Variants in ZNF658 observed in about 807,000 individuals in gnomAD.
ZNF658 encodes the protein zinc finger protein 658.
A neutral mutation model predicts 78.0 loss-of-function variants in ZNF658; 46 were observed. The observed-to-expected ratio is 0.59, with a 90% CI of 0.47 to 0.75. The LOEUF (loss-of-function observed/expected upper bound fraction) is 0.75. Among genes scored for constraint, ZNF658 ranks in the 30% least tolerant of loss-of-function variants. ZNF658 has a pLI of 0.00. For missense variants in ZNF658, 785 were observed against 1,189.3 expected (o/e 0.66, Z 5.00); for synonymous variants, 279 against 408.4 (o/e 0.68, Z 3.82).
rs1246398416 is a variant in ZNF658, at chr9:66,920,026, C to G, written c.2460C>G (p.His820Gln). Reference protein sequence around the residue: ...KAALIVHQRIHTGEKPYECNQ... With the variant: ...KAALIVHQRIQTGEKPYECNQ... The stretch of plus-strand genomic sequence containing the variant: ...CCCTCATAGTGCATCAAAGAATTCA[C>G]ACAGGGGAGAAACCCTATGAATGTA... The change falls in exon 5 of 5, where the codon CAC (histidine) becomes CAG (glutamine). Residue 820 changes from histidine to glutamine, a missense_variant. This residue lies in a region of ZNF658 where 58 missense variants were observed against 63.0 expected (regional missense o/e 0.92). Coordinates refer to ENST00000621410, the MANE Select transcript of ZNF658 (RefSeq NM_033160.7). 1 of 1,612,764 alleles carries G rather than the reference C, an allele frequency of 6.2e-7. No individual in the cohort carries two copies. Among genetic ancestry groups the G allele is most frequent in the East Asian group, 2.2e-5 (1 of 44,880 alleles).
chr9:66,904,914 C>T (rs1050943213), intron 2 of ZNF658, among the ~76,000 whole-genome samples: 1 of 151,774 alleles, frequency 6.6e-6, no homozygotes, highest in African/African-American at 2.4e-5. Flanking sequence ...ATCCCATTGC[C>T]CTCTGTCCTC....
Position 66,917,973 on chromosome 9 carries a change from C to T in ZNF658, c.407C>T (p.Ser136Phe), listed in dbSNP as rs267602252. ...GCTCCAGAGCTTTCAGAAAAAATATCCTGTAAATGTGACTCACACAGAATG... is the reference window on the plus strand; with the variant it reads ...GCTCCAGAGCTTTCAGAAAAAATATTCTGTAAATGTGACTCACACAGAATG... The part of the protein sequence containing the change: ...EIAPELSEKI[S>F]CKCDSHRMNL... Residue 136 changes from serine to phenylalanine, a missense_variant, in exon 5 of 5, where the codon TCC becomes TTC. Ser to Phe is a radical substitution (Grantham distance 155, BLOSUM62 -2). This residue lies in a region of ZNF658 where 54 missense variants were observed against 48.9 expected (regional missense o/e 1.10). Coordinates refer to ENST00000621410, the MANE Select transcript of ZNF658 (RefSeq NM_033160.7). 26 of 1,604,072 alleles carry T rather than the reference C, an allele frequency of 1.6e-5. No individual in the cohort carries two copies. Among genetic ancestry groups the T allele is most frequent in the Non-Finnish European group, 1.7e-5 (20 of 1,178,088 alleles).
chr9:66,907,940 A>G (rs1822117854), intron 2 of ZNF658, among the ~76,000 whole-genome samples: 1 of 151,240 alleles, frequency 6.6e-6, no homozygotes, highest in Admixed American at 6.6e-5. Context: ...TGAATGTCCT[A>G]GAGACTACCC....
At chr9:66,909,401 T>C (rs62549054) in intron 4 of ZNF658, among the ~76,000 whole-genome samples, 75,699 of 146,176 alleles carry the variant, frequency 0.52, 19,607 homozygotes, top group African/African-American at 0.64. Flanking sequence ...ACAACTGATA[T>C]AAAATACATG....
In ZNF658 at chr9:66,918,935, A is replaced by C. The variant is rs764434671; in HGVS notation, c.1369A>C (p.Lys457Gln). The C allele has an allele frequency of 1.3e-6, 2 of 1,510,886 alleles. No individual in the cohort carries two copies. Among genetic ancestry groups the C allele is most frequent in the African/African-American group, 3.2e-5 (2 of 61,790 alleles). 93.6% of individuals were successfully genotyped at this position (1,510,886 alleles called of 1,614,324 possible). The change falls in exon 5 of 5, where the codon AAA becomes CAA. Residue 457 changes from lysine to glutamine, a missense_variant. This residue lies in a region of ZNF658 where 393 missense variants were observed against 400.2 expected (regional missense o/e 0.98). Coordinates refer to ENST00000621410, the MANE Select transcript of ZNF658 (RefSeq NM_033160.7). ...TTTCTGTCAGAATTCAAACCTCAGT[A>C]AACATCTGAGAATTCACACAAAAGA... ...KAFCQNSNLS[K>Q]HLRIHTKEKP...
chr9:66,906,922 T>C (rs1166825943), intron 2 of ZNF658, among the ~76,000 whole-genome samples: 4 of 152,162 alleles, frequency 2.6e-5, no homozygotes, highest in Non-Finnish European at 5.9e-5. Context: ...TCATTGCTTT[T>C]ATGGAAGAAG....
chr9:66,918,134 G>A lies in ZNF658; in HGVS notation c.568G>A (p.Glu190Lys), dbSNP rs780930128. The A allele has an allele frequency of 1.3e-6, 2 of 1,594,680 alleles. No individual in the cohort carries two copies. Among genetic ancestry groups the A allele is most frequent in the Non-Finnish European group, 1.7e-6 (2 of 1,174,552 alleles). The change falls in exon 5 of 5, where the codon GAA (glutamate) becomes AAA (lysine). Residue 190 changes from glutamate to lysine, a missense_variant. Physicochemically the swap from Glu to Lys is moderately conservative, Grantham distance 56. Coordinates refer to ENST00000621410, the MANE Select transcript of ZNF658 (RefSeq NM_033160.7). ...EKAHAEEKSYEHGENAKAFSY... is the reference protein window; with the variant it reads ...EKAHAEEKSYKHGENAKAFSY... ...AGCTCATGCTGAAGAGAAATCTTAT[G>A]AACATGGTGAAAATGCTAAAGCTTT...
At chr9:66,915,439 C>T (rs186350215) in intron 4 of ZNF658, among the ~76,000 whole-genome samples, 9,157 of 149,774 alleles carry the variant, frequency 0.061, 305 homozygotes, top group African/African-American at 0.072. Flanking sequence ...TGTTACAAAA[C>T]GGTGTCAGAG....
rs1484881299 is a variant in ZNF658, at chr9:66,908,381, A to G, written c.142+17A>G. The G allele has an allele frequency of 1.3e-5, 21 of 1,614,096 alleles. No homozygotes were observed. Among genetic ancestry groups the G allele is most frequent in the Non-Finnish European group, 1.7e-5 (20 of 1,179,988 alleles). ...TCTCAGTGGGTGAGCATAGCTTACCATGGGGCTCTCTCGAGAATATATGTC... is the reference window on the plus strand; with the variant it reads ...TCTCAGTGGGTGAGCATAGCTTACCGTGGGGCTCTCTCGAGAATATATGTC... On this transcript the variant is annotated intron_variant, in intron 3 of 4. Transcript: ENST00000621410.
chr9:66,904,781 G>A (rs958979503), intron 2 of ZNF658, among the ~76,000 whole-genome samples: 3 of 151,942 alleles, frequency 2.0e-5, no homozygotes, highest in African/African-American at 7.3e-5. Context: ...TTTCTTATAG[G>A]CAGTCTTGCC....
In ZNF658 at chr9:66,919,793, G is replaced by C. The variant is rs1822460454; in HGVS notation, c.2227G>C (p.Glu743Gln). 1 of 1,610,676 alleles carries C rather than the reference G, an allele frequency of 6.2e-7. No homozygotes were observed. The highest frequency in any genetic ancestry group is 1.3e-5 in the African/African-American group (1 of 74,540). The part of the protein sequence containing the change: ...QNIHTGEKLY[E>Q]CSECGKTFFQ... ...TATCCACACAGGGGAGAAACTCTAT[G>C]AATGTAGTGAATGTGGAAAAACTTT... is the stretch of plus-strand genomic sequence containing the variant. The change falls in exon 5 of 5, where the codon GAA becomes CAA. Residue 743 changes from glutamate (E) to glutamine (Q), a missense_variant. Physicochemically the swap from Glu to Gln is conservative, Grantham distance 29. Transcript: ENST00000621410.
intron 4 of ZNF658, among the ~76,000 whole-genome samples, chr9:66,917,284 G>A (rs1300145493): frequency 6.9e-6 from 1 of 145,106 alleles, no homozygotes; most frequent in Non-Finnish European, 1.5e-5. Flanking sequence ...GAGGAAAGGG[G>A]TTACTACTCC....
chr9:66,920,038 A>G lies in ZNF658; in HGVS notation c.2472A>G (p.Lys824=). 1 of 1,613,082 alleles carries G rather than the reference A, an allele frequency of 6.2e-7. No individual in the cohort carries two copies. Among genetic ancestry groups the G allele is most frequent in the Non-Finnish European group, 8.5e-7 (1 of 1,179,876 alleles). Residue 824 remains lysine (K), a synonymous_variant, in exon 5 of 5, where the codon AAA becomes AAG. Transcript: ENST00000621410. ...IVHQRIHTGE[K]PYECNQCGKT... is the part of the protein sequence containing the mutation. ...ATCAAAGAATTCACACAGGGGAGAA[A>G]CCCTATGAATGTAACCAATGTGGGA... is the stretch of plus-strand genomic sequence containing the variant.
Position 66,917,869 on chromosome 9 carries a change from A to G in ZNF658, c.303A>G (p.Glu101=). 1 of 1,597,966 alleles carries G rather than the reference A, an allele frequency of 6.3e-7. No individual in the cohort carries two copies. The highest frequency in any genetic ancestry group is 2.2e-5 in the East Asian group (1 of 44,574). Residue 101 remains glutamate (E), a synonymous_variant, in exon 5 of 5, where the codon GAA becomes GAG. Transcript: ENST00000621410. Reference sequence around the variant, plus strand: ...AACAAGAAAAACCTCTGTGGCAAGAAATATTCATCAGTGATGCTGACAAAA... The same window carrying G: ...AACAAGAAAAACCTCTGTGGCAAGAGATATTCATCAGTGATGCTGACAAAA... The part of the protein sequence containing the change: ...REKQEKPLWQ[E]IFISDADKTL...
At chr9:66,910,464 T>C (rs1429541249) in intron 4 of ZNF658, among the ~76,000 whole-genome samples, 1 of 151,574 alleles carries the variant, frequency 6.6e-6, no homozygotes, top group African/African-American at 2.4e-5. Flanking sequence ...ATATTGATTG[T>C]CTAAAAAGGA....
Position 66,918,580 on chromosome 9 carries a change from A to C in ZNF658, c.1014A>C (p.Ser338=). The C allele has an allele frequency of 6.2e-7, 1 of 1,608,888 alleles. No individual in the cohort carries two copies. Among genetic ancestry groups the C allele is most frequent in the Non-Finnish European group, 8.5e-7 (1 of 1,175,822 alleles). The change falls in exon 5 of 5, where the codon TCA becomes TCC. Residue 338 remains serine (S), a synonymous_variant. Coordinates refer to ENST00000621410, the MANE Select transcript of ZNF658 (RefSeq NM_033160.7). ...NKCEENFSQS[S]AHIVHQKTQA... is the part of the protein sequence containing the mutation. ...GTGAAGAAAATTTTAGCCAGAGCTC[A>C]GCCCATATAGTACATCAGAAAACAC...
chr9:66,930,575 C>T (rs2482765), intron 6 of ZNF658, among the ~76,000 whole-genome samples: 3 of 151,666 alleles, frequency 2.0e-5, no homozygotes, highest in Admixed American at 6.6e-5. Context: ...TTTGGGAGGC[C>T]GAGGCAACCA....
In ZNF658 at chr9:66,910,984, T is replaced by C. The variant is rs1403413361; in HGVS notation, c.238+2250T>C. On this transcript the variant is annotated intron_variant, in intron 4 of 4. Transcript: ENST00000621410. The stretch of plus-strand genomic sequence containing the variant: ...GGATTTGAATGACTGCACCAAATAA[T>C]ATAATATCAATGTTTCTAAAACATA... 2.0e-5 allele frequency among the ~76,000 whole-genome samples: 3 copies of C among 151,372 alleles called. No individual in the cohort carries two copies. The East Asian group carries it at 5.8e-4, about 29-fold the overall frequency.
In ZNF658 at chr9:66,918,872, G is replaced by A. The variant is rs1587367205; in HGVS notation, c.1306G>A (p.Gly436Arg). 7 of 1,596,656 alleles carry A rather than the reference G, an allele frequency of 4.4e-6. No homozygotes were observed. Among genetic ancestry groups the A allele is most frequent in the Admixed American group, 1.7e-5 (1 of 59,024 alleles). The change falls in exon 5 of 5, where the codon GGA becomes AGA. Residue 436 changes from glycine (G) to arginine (R), a missense_variant. Physicochemically the swap from Gly to Arg is moderately radical, Grantham distance 125 (BLOSUM62 -2). Transcript: ENST00000621410. ...HPIQHPGTYVGFKLYECNECG... is the reference protein window; with the variant it reads ...HPIQHPGTYVRFKLYECNECG... Reference sequence around the variant, plus strand: ...TATTCAGCATCCTGGAACTTATGTGGGATTCAAACTTTATGAATGTAATGA... The same window carrying A: ...TATTCAGCATCCTGGAACTTATGTGAGATTCAAACTTTATGAATGTAATGA...
Sources: gnomAD v4.1 joint callset for allele counts (sites outside exome capture counted in the v4.1 genomes callset) on GRCh38, gnomAD v4.1.1 for gene constraint, gnomAD v4.1.1 regional missense constraint, MANE v1.5 for transcripts, NCBI Gene and HGNC (gene_info 2026-07-23, HGNC 2026-07-21) for gene names.